The following NT5C1A variants were observed in gnomAD, a reference collection of about 807,000 sequenced individuals.
NT5C1A encodes the protein 5'-nucleotidase, cytosolic IA.
A neutral mutation model predicts 31.0 loss-of-function variants in NT5C1A; 18 were observed. The ratio of observed to expected loss-of-function variants is 0.58; its 90% CI spans 0.40 to 0.86. The LOEUF (loss-of-function observed/expected upper bound fraction) is 0.86, where lower values mean the gene tolerates loss of function less well. NT5C1A is among the 40% of genes least tolerant of loss of function. NT5C1A has a pLI of 0.00. For missense variants in NT5C1A, 470 were observed against 505.4 expected (o/e 0.93, Z 0.67); for synonymous variants, 185 against 203.6 (o/e 0.91, Z 0.78).
At position 39,658,847 on chromosome 1, in the gene NT5C1A, CCT is replaced by C. The variant is rs556563174; in HGVS notation, c.*272_*273del. On this transcript the variant is annotated 3_prime_UTR_variant, in exon 6 of 6. Coordinates refer to ENST00000235628, the MANE Select transcript of NT5C1A (RefSeq NM_032526.3). The stretch of plus-strand genomic sequence containing the variant: ...AAATCCTGGCTTCTCTGACCCTCCC[CCT>C]CTCAGACCCATTAACTTCCCCCCTG... Among the ~76,000 whole-genome samples the C allele has an allele frequency of 5.4e-3, 826 of 152,266 alleles. 4 individuals carry two copies. The highest frequency in any genetic ancestry group is 0.01 in the Middle Eastern group (3 of 294).
chr1:39,654,559 A>T lies in NT5C1A; in HGVS notation c.*4562T>A, dbSNP rs60732964. ...GGGCCCTGCTCCTGCCCTCTCACTC[A>T]TCAGCTTGGGAGAGCACATTCAAGT... On this transcript the variant is annotated 3_prime_UTR_variant, in exon 6 of 6. Transcript: ENST00000235628. Among the ~76,000 whole-genome samples the T allele has an allele frequency of 0.064, 9,703 of 152,278 alleles. 412 individuals carry two copies. Among genetic ancestry groups the T allele is most frequent in the East Asian group, 0.13 (664 of 5,178 alleles).
Position 39,659,156 on chromosome 1 carries a change from T to G in NT5C1A, c.1072A>C (p.Thr358Pro). Reference protein sequence around the residue: ...PYGVAQTPRRTAPAKQAPSAQ With the variant: ...PYGVAQTPRRPAPAKQAPSAQ ...GATGGGGCCTGCTTTGCAGGTGCAGTCCGCCGGGGTGTCTGTGCCACACCA... is the reference window on the plus strand; with the variant it reads ...GATGGGGCCTGCTTTGCAGGTGCAGGCCGCCGGGGTGTCTGTGCCACACCA... The change falls in exon 6 of 6, where the codon ACT (threonine) becomes CCT (proline). Residue 358 changes from threonine to proline, a missense_variant. Transcript: ENST00000235628. 6.2e-7 allele frequency: 1 copy of G among 1,609,532 alleles called. No individual in the cohort carries two copies. The highest frequency in any genetic ancestry group is 8.5e-7 in the Non-Finnish European group (1 of 1,176,946).
Position 39,652,248 on chromosome 1 carries a change from G to A in NT5C1A, c.*6873C>T, listed in dbSNP as rs753044442. Among the ~76,000 whole-genome samples, 3 of 151,876 alleles carry A rather than the reference G, an allele frequency of 2.0e-5. No homozygotes were observed. The highest frequency in any genetic ancestry group is 4.4e-5 in the Non-Finnish European group (3 of 67,970). ...GATGCAAACTGGAGATTCAAGGGCC[G>A]GATCTCGCCTACAGAATATGTTTTA... On this transcript the variant is annotated 3_prime_UTR_variant, in exon 6 of 6. Transcript: ENST00000235628.
intron 5 of NT5C1A, among the ~76,000 whole-genome samples, 187 bp from the exon 6 acceptor site, chr1:39,659,673 T>G (rs1557744373): frequency 6.6e-6 from 1 of 152,200 alleles, no homozygotes; most frequent in Non-Finnish European, 1.5e-5. Context: ...AGGGGATCTG[T>G]GTTATTGTAT....
At chr1:39,666,034 C>T (rs149035831) in intron 2 of NT5C1A, 35 bp downstream of exon 2, 26 of 1,592,822 alleles carry the variant, frequency 1.6e-5, no homozygotes, top group Admixed American at 5.1e-5. Flanking sequence ...CCCACGAAGG[C>T]GCTATATGAG....
chr1:39,654,897 T>C lies in NT5C1A; in HGVS notation c.*4224A>G, dbSNP rs1646451983. ...TGCAGTGTGAAATCAGCCATAAACA[T>C]ATGTAAACAAATGGGCATGGCTATG... On this transcript the variant is annotated 3_prime_UTR_variant, in exon 6 of 6. Coordinates refer to ENST00000235628, the MANE Select transcript of NT5C1A (RefSeq NM_032526.3). Among the ~76,000 whole-genome samples, 1 of 152,166 alleles carries C rather than the reference T, an allele frequency of 6.6e-6. No individual in the cohort carries two copies. Among genetic ancestry groups the C allele is most frequent in the African/African-American group, 2.4e-5 (1 of 41,444 alleles).
Position 39,656,196 on chromosome 1 carries a change from C to T in NT5C1A, c.*2925G>A, listed in dbSNP as rs1233514382. ...AAGTGGTGCTCTCAGCTAAAGGGGT[C>T]CAGTGTTTCAGAAGCCGTGGCTGCT... On this transcript the variant is annotated 3_prime_UTR_variant, in exon 6 of 6. Transcript: ENST00000235628. Among the ~76,000 whole-genome samples, 2 of 152,152 alleles carry T rather than the reference C, an allele frequency of 1.3e-5. No individual in the cohort carries two copies. Among genetic ancestry groups the T allele is most frequent in the African/African-American group, 2.4e-5 (1 of 41,428 alleles).
Position 39,670,376 on chromosome 1 carries a change from AC to A in NT5C1A, c.135+1527del, listed in dbSNP as rs567153441. 6.1e-4 allele frequency among the ~76,000 whole-genome samples: 93 copies of A among 152,362 alleles called. 1 individual carries two copies. Among genetic ancestry groups the A allele is most frequent in the East Asian group, 3.9e-4 (2 of 5,186 alleles). Reference sequence around the variant, plus strand: ...AAGACGCTCTTTGATGGAACAGATCACAGGGGAAGCCTTATTCTGAGCTTTG... The same window carrying A: ...AAGACGCTCTTTGATGGAACAGATCAAGGGGAAGCCTTATTCTGAGCTTTG... On this transcript the variant is annotated intron_variant, in intron 1 of 5. Transcript: ENST00000235628.
chr1:39,667,117 T>A (rs116209526), intron 1 of NT5C1A, among the ~76,000 whole-genome samples: 2,579 of 152,040 alleles, frequency 0.017, 70 homozygotes, highest in African/African-American at 0.059. Flanking sequence ...AGACCCCTAC[T>A]TCTCTTTCCA....
intron 1 of NT5C1A, among the ~76,000 whole-genome samples, chr1:39,668,089 T>C (rs1398924568): frequency 6.6e-6 from 1 of 152,188 alleles, no homozygotes; most frequent in African/African-American, 2.4e-5. Context: ...TCTTGGAGGT[T>C]CAACCCAAAT....
rs1264837326 is a variant in NT5C1A at position 39,672,008 on chromosome 1, C to A, written c.31G>T (p.Glu11Ter). 2 of 1,606,186 alleles carry A rather than the reference C, an allele frequency of 1.2e-6. No individual in the cohort carries two copies. Among genetic ancestry groups the A allele is most frequent in the East Asian group, 2.2e-5 (1 of 44,764 alleles). MEPGQPREPQ[E>*]PREPGPGAET... ...GCTCCTGGCCCGGGCTCGCGGGGCT[C>A]CTGGGGCTCCCGGGGCTGCCCAGGT... Residue 11 changes from glutamate (E) to a stop codon, truncating the protein, a stop_gained, in exon 1 of 6, where the codon GAG becomes TAG. Transcript: ENST00000235628. LOFTEE classifies it high-confidence loss of function.
At position 39,663,340 on chromosome 1, in the gene NT5C1A, C is replaced by T. The variant is rs775583503; in HGVS notation, c.528G>A (p.Ala176=). 2.7e-5 allele frequency: 44 copies of T among 1,613,988 alleles called. No individual in the cohort carries two copies. The highest frequency in any genetic ancestry group is 2.7e-4 in the East Asian group (12 of 44,890). ...CATCAATGGCTTCTCGCACTTTTTCCGCATCGGCTGACAAGTAGAGGTTGG... is the reference window on the plus strand; with the variant it reads ...CATCAATGGCTTCTCGCACTTTTTCTGCATCGGCTGACAAGTAGAGGTTGG... ...YHTNLYLSAD[A]EKVREAIDEG... is the part of the protein sequence containing the mutation. The change falls in exon 4 of 6, where the codon GCG becomes GCA. Residue 176 remains alanine (A), a synonymous_variant. Transcript: ENST00000235628.
chr1:39,662,434 G>T (rs1646496449), intron 4 of NT5C1A, among the ~76,000 whole-genome samples: 1 of 152,194 alleles, frequency 6.6e-6, no homozygotes, highest in Non-Finnish European at 1.5e-5. Flanking sequence ...ACACCTACAT[G>T]CCAGTGCCAA....
chr1:39,653,531 G>A lies in NT5C1A; in HGVS notation c.*5590C>T, dbSNP rs1317498541. Among the ~76,000 whole-genome samples, 1 of 152,092 alleles carries A rather than the reference G, an allele frequency of 6.6e-6. No individual in the cohort carries two copies. The highest frequency in any genetic ancestry group is 2.1e-4 in the South Asian group (1 of 4,822). On this transcript the variant is annotated 3_prime_UTR_variant, in exon 6 of 6. Transcript: ENST00000235628. ...ACAGTAATTGCCGGCAAGAGCAATCGGCTCGTCACTCGGGCATATTTAGCA... is the reference window on the plus strand; with the variant it reads ...ACAGTAATTGCCGGCAAGAGCAATCAGCTCGTCACTCGGGCATATTTAGCA...
At chr1:39,670,559 T>C (rs1053214553) in intron 1 of NT5C1A, among the ~76,000 whole-genome samples, 2 of 152,148 alleles carry the variant, frequency 1.3e-5, no homozygotes, top group Non-Finnish European at 1.5e-5. Flanking sequence ...GTGTGCAGAC[T>C]CCCTGAAACA....
chr1:39,660,124 C>T (rs562761712), intron 5 of NT5C1A, among the ~76,000 whole-genome samples: 19 of 152,324 alleles, frequency 1.2e-4, no homozygotes, highest in Admixed American at 8.5e-4. Flanking sequence ...TTGGAGACCT[C>T]TCGCTTGCTA....
At position 39,655,231 on chromosome 1, in the gene NT5C1A, T is replaced by G. The variant is rs969510676; in HGVS notation, c.*3890A>C. Among the ~76,000 whole-genome samples the G allele has an allele frequency of 2.0e-5, 3 of 152,190 alleles. No individual in the cohort carries two copies. Among genetic ancestry groups the G allele is most frequent in the African/African-American group, 7.2e-5 (3 of 41,450 alleles). ...CTGGGATTACAGGCATGAGCCACTG[T>G]GCCTGGCCCCAGTCAAAGTTTCTTT... On this transcript the variant is annotated 3_prime_UTR_variant, in exon 6 of 6. Coordinates refer to ENST00000235628, the MANE Select transcript of NT5C1A (RefSeq NM_032526.3).
rs1646475184 is a variant in NT5C1A, at chr1:39,658,753, TCCAC to T, written c.*364_*367del. 6.6e-6 allele frequency among the ~76,000 whole-genome samples: 1 copy of T among 152,186 alleles called. No individual in the cohort carries two copies. Among genetic ancestry groups the T allele is most frequent in the Non-Finnish European group, 1.5e-5 (1 of 68,038 alleles). On this transcript the variant is annotated 3_prime_UTR_variant, in exon 6 of 6. Transcript: ENST00000235628. ...ACCAGGACAGAGCTTAGAAGCCAGA[TCCAC>T]TCTCTCCCATAGCAGTGTTGTTTAC...
Position 39,654,041 on chromosome 1 carries a change from G to A in NT5C1A, c.*5080C>T, listed in dbSNP as rs926327115. 7.0e-6 allele frequency among the ~76,000 whole-genome samples: 1 copy of A among 143,878 alleles called. No homozygotes were observed. The highest frequency in any genetic ancestry group is 1.5e-5 in the Non-Finnish European group (1 of 67,976). 94.4% of individuals were successfully genotyped at this position (143,878 alleles called of 152,430 possible). ...CCCAGTCTGGGCTTAGTGGAGAAGAGTATCATGATGGCATAGCGACAGCAA... is the reference window on the plus strand; with the variant it reads ...CCCAGTCTGGGCTTAGTGGAGAAGAATATCATGATGGCATAGCGACAGCAA... On this transcript the variant is annotated 3_prime_UTR_variant, in exon 6 of 6. Transcript: ENST00000235628.
Sources: gnomAD v4.1 joint callset for allele counts (sites outside exome capture counted in the v4.1 genomes callset) on GRCh38, gnomAD v4.1.1 for gene constraint, MANE v1.5 for transcripts, NCBI Gene and HGNC (gene_info 2026-07-23, HGNC 2026-07-21) for gene names.